Variants in MEGF6 observed in about 807,000 individuals in gnomAD.
MEGF6 encodes the protein multiple epidermal growth factor-like domains protein 6.
MEGF6 carries 184 observed loss-of-function variants against 207.1 expected under a neutral mutation model. The ratio of observed to expected loss-of-function variants is 0.89; its 90% CI spans 0.79 to 1.00. The LOEUF (loss-of-function observed/expected upper bound fraction) is 1.00. MEGF6 is among the 50% of genes least tolerant of loss of function. The pLI, the probability that MEGF6 is intolerant of heterozygous loss-of-function variation, is 0.00. For synonymous variants in MEGF6, 1,038 were observed against 910.0 expected (o/e 1.14, Z -2.53); for missense variants, 2,282 against 2,202.9 (o/e 1.04, Z -0.72).
chr1:3,523,056 G>C (rs2101186136), intron 5 of MEGF6, among the ~76,000 whole-genome samples: 2 of 148,392 alleles, frequency 1.3e-5, no homozygotes, highest in South Asian at 4.3e-4. Context: ...ATGGTGGCCG[G>C]GACATGTGAG....
chr1:3,526,290 G>A (rs1213381597), intron 4 of MEGF6, among the ~76,000 whole-genome samples: 8 of 152,232 alleles, frequency 5.3e-5, no homozygotes, highest in Non-Finnish European at 1.2e-4. Flanking sequence ...ACCAACTATA[G>A]GAGGTGCCAG....
chr1:3,552,587 C>T (rs757599890), intron 4 of MEGF6, among the ~76,000 whole-genome samples: 1 of 152,210 alleles, frequency 6.6e-6, no homozygotes, highest in Non-Finnish European at 1.5e-5. Flanking sequence ...CCCAGCTACT[C>T]GGAGGCTAAG....
chr1:3,543,515 G>A (rs1055133495), intron 4 of MEGF6, among the ~76,000 whole-genome samples: 4 of 152,342 alleles, frequency 2.6e-5, no homozygotes, highest in African/African-American at 7.2e-5. Flanking sequence ...TCGGCCACAC[G>A]GTGACTCGGA....
At chr1:3,499,320 GGCA>G (rs779130999) in intron 23 of MEGF6, 54 bp from the exon 24 acceptor site, 26 of 1,551,750 alleles carry the variant, frequency 1.7e-5, no homozygotes, top group Non-Finnish European at 2.1e-5. Flanking sequence ...CCCAGGGGTT[GGCA>G]GCAGATCACA....
At chr1:3,500,280 G>A (rs561106880) in intron 21 of MEGF6, among the ~76,000 whole-genome samples, 1 of 152,232 alleles carries the variant, frequency 6.6e-6, no homozygotes. Flanking sequence ...CCAGGTGCCA[G>A]GCCTCCCACA....
At chr1:3,503,281 G>C (rs1488553999) in intron 17 of MEGF6, among the ~76,000 whole-genome samples, 1 of 152,186 alleles carries the variant, frequency 6.6e-6, no homozygotes, top group Non-Finnish European at 1.5e-5. Flanking sequence ...CACAGGGCTG[G>C]GTGGCGTCAG....
chr1:3,515,848 C>A (rs1641524837), intron 5 of MEGF6, among the ~76,000 whole-genome samples: 1 of 152,236 alleles, frequency 6.6e-6, no homozygotes. Context: ...CACCCCCCAG[C>A]ACAGAACACT....
In MEGF6 at chr1:3,488,784, G is replaced by A. The variant is rs140498786; in HGVS notation, c.*1744C>T. On this transcript the variant is annotated 3_prime_UTR_variant, in exon 37 of 37. Transcript: ENST00000356575. ...TTTAGAATTTATCTTTGACATTGAT[G>A]TTCTTCAAGGTCTTATGGCTTTTTT... 3.4e-3 allele frequency among the ~76,000 whole-genome samples: 514 copies of A among 152,278 alleles called. 1 individual carries two copies. The highest frequency in any genetic ancestry group is 4.2e-3 in the Non-Finnish European group (288 of 68,008).
At chr1:3,541,443 C>T (rs964471652) in intron 4 of MEGF6, among the ~76,000 whole-genome samples, 1 of 152,256 alleles carries the variant, frequency 6.6e-6, no homozygotes, top group African/African-American at 2.4e-5. Flanking sequence ...CAAAGTGTTG[C>T]TCCCACAGGA....
intron 35 of MEGF6, 139 bp downstream of exon 35, chr1:3,492,500 G>T: frequency 8.3e-7 from 1 of 1,200,932 alleles, no homozygotes; most frequent in Non-Finnish European, 1.2e-6. Context: ...GGGGACAGAT[G>T]ACATTCGCTA....
Position 3,603,872 on chromosome 1 carries a change from G to A in MEGF6, c.132-1272C>T, listed in dbSNP as rs143597798. Among the ~76,000 whole-genome samples the A allele has an allele frequency of 4.8e-3, 736 of 152,356 alleles. 1 individual carries two copies. Among genetic ancestry groups the A allele is most frequent in the Middle Eastern group, 0.01 (3 of 294 alleles). ...CCCCCAGATGGAGGCTCTTGCAATG[G>A]AGGACTTATTTTTCCTCTTTCCTGG... On this transcript the variant is annotated intron_variant, in intron 1 of 36. Coordinates refer to ENST00000356575, the MANE Select transcript of MEGF6 (RefSeq NM_001409.4).
At position 3,515,392 on chromosome 1, in the gene MEGF6, C is replaced by A; in HGVS notation, c.730+10G>T. ...CCCCAGGTCCTCCCTCCCAGGCTGG[C>A]AGCACTCACGGACACAATGCCTGCC... is the stretch of plus-strand genomic sequence containing the variant. On this transcript the variant is annotated intron_variant, in intron 6 of 36. Transcript: ENST00000356575. The A allele has an allele frequency of 2.5e-6, 4 of 1,608,430 alleles. No homozygotes were observed. Among genetic ancestry groups the A allele is most frequent in the Non-Finnish European group, 3.4e-6 (4 of 1,178,204 alleles).
chr1:3,587,214 C>T (rs1643904809), intron 3 of MEGF6, among the ~76,000 whole-genome samples: 1 of 152,258 alleles, frequency 6.6e-6, no homozygotes, highest in Admixed American at 6.5e-5. Flanking sequence ...TCTCAGGCCT[C>T]ACCGAGGACT....
chr1:3,622,314 C>A, the MEGF6 span, among the ~76,000 whole-genome samples: 1 of 152,156 alleles, frequency 6.6e-6, no homozygotes, highest in African/African-American at 2.4e-5. Context: ...TTAAGTGTGG[C>A]ACATCCCACT....
intron 4 of MEGF6, among the ~76,000 whole-genome samples, chr1:3,545,792 C>T (rs1642682186): frequency 1.3e-5 from 2 of 152,218 alleles, no homozygotes; most frequent in African/African-American, 2.4e-5. Flanking sequence ...TCCCAGGCTC[C>T]GCGGGTCACA....
intron 4 of MEGF6, among the ~76,000 whole-genome samples, chr1:3,537,311 G>T (rs1184675729): frequency 6.6e-6 from 1 of 152,266 alleles, no homozygotes; most frequent in African/African-American, 2.4e-5. Flanking sequence ...AAGGAGCTAA[G>T]CCCTTGGCTG....
intron 4 of MEGF6, among the ~76,000 whole-genome samples, chr1:3,558,011 C>T (rs1299231801): frequency 2.0e-5 from 3 of 152,146 alleles, no homozygotes; most frequent in African/African-American, 7.2e-5. Flanking sequence ...CATGCTTCCG[C>T]GGTGCAGCTG....
intron 4 of MEGF6, among the ~76,000 whole-genome samples, chr1:3,539,377 G>A (rs553979900): frequency 3.9e-5 from 6 of 152,174 alleles, no homozygotes; most frequent in South Asian, 4.1e-4. Context: ...GGAACACGAC[G>A]GGAGAGGGGG....
chr1:3,602,658 C>T, intron 1 of MEGF6, 58 bp from the exon 2 acceptor site: 2 of 1,550,512 alleles, frequency 1.3e-6, no homozygotes, highest in South Asian at 1.2e-5. Flanking sequence ...CAACACCCAC[C>T]CCTCCTGCAC....
Sources: allele counts gnomAD v4.1 joint callset (sites outside exome capture counted in the v4.1 genomes callset), GRCh38; gene constraint gnomAD v4.1.1; transcripts MANE v1.5; gene names NCBI Gene and HGNC (gene_info 2026-07-23, HGNC 2026-07-21).